Variants in DYSF observed in about 807,000 individuals in gnomAD.
DYSF encodes the protein dystrophy-associated fer-1-like 1.
Under a neutral mutation model 274.9 loss-of-function variants are expected in DYSF, and 212 were observed. The observed-to-expected ratio is 0.77, with a 90% CI of 0.69 to 0.86. The LOEUF (loss-of-function observed/expected upper bound fraction) is 0.86. Among genes scored for constraint, DYSF ranks in the 40% least tolerant of loss-of-function variants. The pLI is 0.00. For synonymous variants in DYSF, 1,091 were observed against 1,078.7 expected, an observed-to-expected ratio of 1.01 and a Z score of -0.22; for missense variants, 2,666 against 2,783.2, an observed-to-expected ratio of 0.96 and a Z score of 0.95.
chr2:71,625,438 C>T (rs2094192010), intron 41 of DYSF, among the ~76,000 whole-genome samples: 1 of 152,134 alleles, frequency 6.6e-6, no homozygotes, highest in Admixed American at 6.5e-5. Flanking sequence ...TGTGCTTTCT[C>T]ATTGATCCAC....
At chr2:71,562,891 T>C (rs1270678278) in intron 23 of DYSF, among the ~76,000 whole-genome samples, 1 of 152,140 alleles carries the variant, frequency 6.6e-6, no homozygotes, top group African/African-American at 2.4e-5. Flanking sequence ...CTTCCCTCTG[T>C]AATCTCAGCC....
At chr2:71,684,883 C>A (rs574679701) in intron 55 of DYSF, among the ~76,000 whole-genome samples, 1 of 152,334 alleles carries the variant, frequency 6.6e-6, no homozygotes, top group South Asian at 2.1e-4. Flanking sequence ...TTAGCTCTGG[C>A]CTTCTGTGGC....
chr2:71,558,417 A>G (rs1405903527), intron 22 of DYSF, among the ~76,000 whole-genome samples: 1 of 152,178 alleles, frequency 6.6e-6, no homozygotes, highest in Non-Finnish European at 1.5e-5. Flanking sequence ...TGTGGTGGCT[A>G]CAGCCACTGG....
intron 17 of DYSF, among the ~76,000 whole-genome samples, chr2:71,543,160 C>G (rs1280595900): frequency 2.7e-5 from 4 of 148,890 alleles, no homozygotes; most frequent in Admixed American, 2.7e-4. Flanking sequence ...GGCTGCCGGG[C>G]GGAGGGGCTC....
chr2:71,470,737 T>TTTCCTTCCTTCCTTCCTTCC (rs56939256), intron 1 of DYSF, among the ~76,000 whole-genome samples: 30 of 96,082 alleles, frequency 3.1e-4, no homozygotes, highest in Non-Finnish European at 4.5e-4. Flanking sequence ...TCCTTCCTTC[T>TTTCCTTCCTTCCTTCCTTCC]TTCCTTCCTT....
At position 71,658,790 on chromosome 2, in the gene DYSF, C is replaced by T. The variant is rs554443311; in HGVS notation, c.4756-88C>T. The T allele has an allele frequency of 9.5e-5, 146 of 1,532,922 alleles. No homozygotes were observed. The African/African-American group carries it at 1.6e-3, about 17-fold the overall frequency. The allele number at this position is 1,532,922 out of a possible 1,614,324, so 95.0% of individuals were successfully genotyped here. On this transcript the variant is annotated intron_variant, in intron 43 of 55. Transcript: ENST00000410020. ...CAACATGTGGGAATTCTGGGAGATACAATTCAAGTTGAGATTTGGGTGGGG... is the reference window on the plus strand; with the variant it reads ...CAACATGTGGGAATTCTGGGAGATATAATTCAAGTTGAGATTTGGGTGGGG...
chr2:71,486,909 C>T (rs1259816359), intron 3 of DYSF, among the ~76,000 whole-genome samples: 1 of 152,196 alleles, frequency 6.6e-6, no homozygotes, highest in Non-Finnish European at 1.5e-5. Context: ...TGATCCAGGT[C>T]CCTGACCAGC....
upstream of DYSF, among the ~76,000 whole-genome samples, chr2:71,462,808 G>C (rs1000578684): frequency 6.6e-6 from 1 of 152,202 alleles, no homozygotes; most frequent in African/African-American, 2.4e-5. Flanking sequence ...GGAGTGGGTA[G>C]TTCCTTCCTG....
intron 41 of DYSF, among the ~76,000 whole-genome samples, chr2:71,635,634 A>G (rs1214746736): frequency 2.0e-5 from 3 of 151,470 alleles, no homozygotes; most frequent in Non-Finnish European, 4.4e-5. Flanking sequence ...CTGTAATCCC[A>G]GCTACTTGGG....
At position 71,573,891 on chromosome 2, in the gene DYSF, C is replaced by A. The variant is rs565942954; in HGVS notation, c.3229-307C>A. 7.8e-4 allele frequency among the ~76,000 whole-genome samples: 118 copies of A among 152,170 alleles called. 1 individual carries two copies. In the South Asian group the frequency reaches 0.011, roughly 14 times the overall value. The stretch of plus-strand genomic sequence containing the variant: ...AGGCTTGAGTGCAGTGGCGCAATCT[C>A]GGCTCACTGCAACCTCCACCTCCCA... On this transcript the variant is annotated intron_variant, in intron 29 of 55. Coordinates refer to ENST00000410020, the MANE Select transcript of DYSF (RefSeq NM_001130987.2).
At chr2:71,635,856 A>G (rs1371191171) in intron 41 of DYSF, among the ~76,000 whole-genome samples, 1 of 152,104 alleles carries the variant, frequency 6.6e-6, no homozygotes, top group Non-Finnish European at 1.5e-5. Context: ...CGTAAAATCT[A>G]TGGGATATCA....
chr2:71,457,493 G>A (rs568037426), intron 1 of DYSF, among the ~76,000 whole-genome samples: 111 of 152,310 alleles, frequency 7.3e-4, no homozygotes, highest in African/African-American at 2.5e-3. Context: ...AAGAAAAGGT[G>A]GAGGGGCAGG....
At chr2:71,469,926 A>G (rs1558933647) in intron 1 of DYSF, among the ~76,000 whole-genome samples, 1 of 152,118 alleles carries the variant, frequency 6.6e-6, no homozygotes, top group Admixed American at 6.5e-5. Context: ...CCCTCTATTC[A>G]TGCAGTTAGT....
rs551931244 is a variant in DYSF at position 71,666,111 on chromosome 2, G to A, written c.5317+807G>A. Among the ~76,000 whole-genome samples the A allele has an allele frequency of 6.6e-5, 10 of 151,882 alleles. No homozygotes were observed. In the South Asian group the frequency reaches 2.1e-3, roughly 32 times the overall value. On this transcript the variant is annotated intron_variant, in intron 47 of 55. Transcript: ENST00000410020. ...TGGCTGAGCCAGGCTCGGCCATAAGGCGCCCCCAGCCCTGCCCCCCTTCAT... is the reference window on the plus strand; with the variant it reads ...TGGCTGAGCCAGGCTCGGCCATAAGACGCCCCCAGCCCTGCCCCCCTTCAT...
chr2:71,659,020 A>AC lies in DYSF; in HGVS notation c.4902dup (p.Asn1635GlnfsTer5). 6.2e-7 allele frequency: 1 copy of AC among 1,613,948 alleles called. No individual in the cohort carries two copies. Among genetic ancestry groups the AC allele is most frequent in the Non-Finnish European group, 8.5e-7 (1 of 1,179,994 alleles). ...CGAGCATTTGGCCTGCAGCCCAAGG[A>AC]CCCCAATGGAAAGGTAACTTTCCTA... is the stretch of plus-strand genomic sequence containing the variant. On this transcript the variant is annotated frameshift_variant, in exon 44 of 56. Coordinates refer to ENST00000410020, the MANE Select transcript of DYSF (RefSeq NM_001130987.2). LOFTEE classifies it high-confidence loss of function.
chr2:71,665,082 G>A, intron 46 of DYSF, 80 bp from the exon 47 acceptor site: 3 of 1,603,552 alleles, frequency 1.9e-6, no homozygotes, highest in Non-Finnish European at 2.5e-6. Flanking sequence ...GTACATGGGG[G>A]TACACCAGTC....
intron 1 of DYSF, among the ~76,000 whole-genome samples, chr2:71,459,740 A>G (rs1332932800): frequency 3.3e-5 from 5 of 152,138 alleles, no homozygotes; most frequent in Admixed American, 3.3e-4. Context: ...ATTTCATTCA[A>G]TCCTGGAGAC....
intron 17 of DYSF, among the ~76,000 whole-genome samples, chr2:71,542,831 TTCTACTCGACAAAACCGCCA>T (rs1188572920): frequency 6.6e-6 from 1 of 152,208 alleles, no homozygotes; most frequent in African/African-American, 2.4e-5. Flanking sequence ...TTTCCTCCCT[TTCTACTCGACAAAACCGCCA>T]TCATCATCAT....
chr2:71,591,181 C>T (rs1174501640), intron 32 of DYSF, among the ~76,000 whole-genome samples: 5 of 152,278 alleles, frequency 3.3e-5, no homozygotes. Context: ...AGTGCGCTCT[C>T]TGTCTAGAAC....
Sources: allele counts gnomAD v4.1 joint callset (sites outside exome capture counted in the v4.1 genomes callset), GRCh38; gene constraint gnomAD v4.1.1; transcripts MANE v1.5; gene names NCBI Gene and HGNC (gene_info 2026-07-23, HGNC 2026-07-21).